The following CPA6 variants were observed in gnomAD, a reference collection of about 807,000 sequenced individuals.
The protein encoded by CPA6 is carboxypeptidase B.
A neutral mutation model predicts 63.3 loss-of-function variants in CPA6; 58 were observed. The ratio of observed to expected loss-of-function variants is 0.92; its 90% CI spans 0.74 to 1.14. CPA6 has a LOEUF of 1.14. CPA6 is among the 50% of genes most tolerant of loss of function. CPA6 has a pLI of 0.00. For synonymous variants in CPA6, 185 were observed against 179.0 expected (o/e 1.03, Z -0.27); for missense variants, 565 against 526.6 (o/e 1.07, Z -0.71).
intron 8 of CPA6, among the ~76,000 whole-genome samples, chr8:67,450,885 G>T (rs1270017467): frequency 6.6e-6 from 1 of 152,196 alleles, no homozygotes; most frequent in Non-Finnish European, 1.5e-5. Context: ...GCAGAGTAGA[G>T]AATATAGACT....
chr8:67,509,488 G>T, intron 5 of CPA6, 29 bp downstream of exon 5: 1 of 1,004,370 alleles, frequency 1.0e-6, no homozygotes. Flanking sequence ...TAAACATTAT[G>T]TATTTACACA....
chr8:67,617,270 T>C (rs1814979251), intron 2 of CPA6, among the ~76,000 whole-genome samples: 1 of 152,220 alleles, frequency 6.6e-6, no homozygotes, highest in Non-Finnish European at 1.5e-5. Flanking sequence ...ATTGTTTCTC[T>C]TAATATGTAT....
chr8:67,560,068 G>GT (rs1323241851), intron 2 of CPA6, among the ~76,000 whole-genome samples: 1 of 151,442 alleles, frequency 6.6e-6, no homozygotes, highest in Non-Finnish European at 1.5e-5. Context: ...AGAAATAAAT[G>GT]TTTATTGTTT....
At chr8:67,730,477 T>C (rs2129002925) in intron 1 of CPA6, among the ~76,000 whole-genome samples, 1 of 152,290 alleles carries the variant, frequency 6.6e-6, no homozygotes, top group South Asian at 2.1e-4. Context: ...TGGAGGGTTA[T>C]GAGGGCACAA....
At chr8:67,441,612 G>T (rs1213544082) in intron 8 of CPA6, among the ~76,000 whole-genome samples, 1 of 152,056 alleles carries the variant, frequency 6.6e-6, no homozygotes, top group Non-Finnish European at 1.5e-5. Flanking sequence ...GAAACAATAT[G>T]ATATAAAGTC....
At chr8:67,681,200 C>CTTTTTTCTTTTTTTTT (rs1816586473) in intron 1 of CPA6, among the ~76,000 whole-genome samples, 1 of 89,896 alleles carries the variant, frequency 1.1e-5, no homozygotes, top group Non-Finnish European at 2.0e-5. Flanking sequence ...CAAAGATTTT[C>CTTTTTTCTTTTTTTTT]TTTTTTTTTT....
chr8:67,455,760 G>A (rs1810663021), intron 8 of CPA6, among the ~76,000 whole-genome samples: 1 of 128,562 alleles, frequency 7.8e-6, no homozygotes, highest in South Asian at 2.5e-4. Context: ...GTCTCATTTT[G>A]TTACCCAGGC....
chr8:67,553,967 T>C (rs1196512601), intron 2 of CPA6, among the ~76,000 whole-genome samples: 3 of 152,204 alleles, frequency 2.0e-5, no homozygotes, highest in African/African-American at 4.8e-5. Flanking sequence ...GAAGGGTATA[T>C]GTATATGTGC....
At chr8:67,567,361 C>T (rs189167555) in intron 2 of CPA6, among the ~76,000 whole-genome samples, 4 of 152,304 alleles carry the variant, frequency 2.6e-5, no homozygotes, top group Admixed American at 6.5e-5. Context: ...AAAATTGCTC[C>T]TACTTTGTAT....
At chr8:67,534,396 T>A (rs1812539868) in intron 2 of CPA6, among the ~76,000 whole-genome samples, 1 of 152,214 alleles carries the variant, frequency 6.6e-6, no homozygotes, top group Non-Finnish European at 1.5e-5. Context: ...AGTAGGCAAG[T>A]GGTTCAATAT....
intron 1 of CPA6, among the ~76,000 whole-genome samples, chr8:67,646,493 C>A (rs943715455): frequency 2.0e-5 from 3 of 152,198 alleles, no homozygotes; most frequent in Admixed American, 2.0e-4. Context: ...AACACTCCAA[C>A]CGAGCAAACC....
chr8:67,434,325 T>A (rs960870464), intron 8 of CPA6, 85 bp from the exon 9 acceptor site: 11 of 1,035,138 alleles, frequency 1.1e-5, no homozygotes, highest in Non-Finnish European at 1.6e-5. Flanking sequence ...GCTGTGATTT[T>A]TCTTTTATTT....
intron 2 of CPA6, among the ~76,000 whole-genome samples, chr8:67,587,724 G>A (rs1564011988): frequency 6.6e-6 from 1 of 152,132 alleles, no homozygotes; most frequent in Non-Finnish European, 1.5e-5. Context: ...CATGTGTTTG[G>A]TGGGTCATTA....
At chr8:67,529,937 C>T (rs1812444218) in intron 2 of CPA6, among the ~76,000 whole-genome samples, 1 of 152,074 alleles carries the variant, frequency 6.6e-6, no homozygotes, top group Admixed American at 6.6e-5. Flanking sequence ...TAAAATCTTC[C>T]AACCAGAGAC....
intron 2 of CPA6, among the ~76,000 whole-genome samples, chr8:67,582,099 T>A (rs1267347013): frequency 6.6e-6 from 1 of 152,000 alleles, no homozygotes; most frequent in Non-Finnish European, 1.5e-5. Flanking sequence ...CCCTGAAGGG[T>A]TATTAGATCC....
At chr8:67,486,482 A>G (rs1426866336) in intron 6 of CPA6, among the ~76,000 whole-genome samples, 1 of 152,236 alleles carries the variant, frequency 6.6e-6, no homozygotes, top group African/African-American at 2.4e-5. Flanking sequence ...AATACACTCT[A>G]TGATGTTCAC....
chr8:67,608,272 C>T (rs1301355647), intron 2 of CPA6, among the ~76,000 whole-genome samples: 11 of 152,184 alleles, frequency 7.2e-5, no homozygotes, highest in Non-Finnish European at 1.5e-5. Context: ...CCTTTTGGCC[C>T]ACCATGTCCC....
chr8:67,441,892 T>G (rs913265838), intron 8 of CPA6, among the ~76,000 whole-genome samples: 1 of 152,130 alleles, frequency 6.6e-6, no homozygotes, highest in African/African-American at 2.4e-5. Context: ...TTACAGAGCA[T>G]GGGGATGGGT....
At chr8:67,465,351 A>G (rs1329061940) in intron 8 of CPA6, among the ~76,000 whole-genome samples, 1 of 151,704 alleles carries the variant, frequency 6.6e-6, no homozygotes, top group Non-Finnish European at 1.5e-5. Context: ...TCAATTTTCT[A>G]TCTTGAAACT....
Sources: gnomAD v4.1 joint callset for allele counts (sites outside exome capture counted in the v4.1 genomes callset) on GRCh38, gnomAD v4.1.1 for gene constraint, MANE v1.5 for transcripts, NCBI Gene and HGNC (gene_info 2026-07-23, HGNC 2026-07-21) for gene names.